NELL1: variants seen among roughly 807,000 people sequenced by gnomAD.
NELL1 encodes the protein neural EGFL like 1, also known as protein kinase C-binding protein NELL1.
In NELL1, 76 loss-of-function variants were observed where a neutral mutation model predicts 107.4. That is an observed-to-expected ratio of 0.71 (90% CI 0.59 to 0.86). The LOEUF (loss-of-function observed/expected upper bound fraction) is 0.86, where lower values mean the gene tolerates loss of function less well. Ranked by LOEUF, NELL1 falls within the 40% of genes least tolerant of loss-of-function variation. The pLI is 0.00. For missense variants in NELL1, 1,024 were observed against 1,005.5 expected (o/e 1.02, Z -0.25); for synonymous variants, 353 against 341.2 (o/e 1.03, Z -0.38).
intron 14 of NELL1, among the ~76,000 whole-genome samples, chr11:21,288,059 A>AAAGAAGGGAAGG (rs1310905199): frequency 4.6e-5 from 7 of 151,446 alleles, no homozygotes; most frequent in Non-Finnish European, 7.4e-5. Flanking sequence ...GGAAGGAAGG[A>AAAGAAGGGAAGG]AAGAAGGAAA....
At chr11:20,939,251 CAGTTTCTGTTTTCCCA>C (rs1850796108) in intron 10 of NELL1, among the ~76,000 whole-genome samples, 1 of 151,800 alleles carries the variant, frequency 6.6e-6, no homozygotes, top group African/African-American at 2.4e-5. Context: ...CAGGGAATAC[CAGTTTCTGTTTTCCCA>C]AGTAGCCAAA....
chr11:20,940,885 C>T (rs1850838833), intron 10 of NELL1, among the ~76,000 whole-genome samples: 1 of 152,050 alleles, frequency 6.6e-6, no homozygotes, highest in African/African-American at 2.4e-5. Flanking sequence ...TGCCTGTAAT[C>T]CCAGCACTTT....
intron 15 of NELL1, among the ~76,000 whole-genome samples, chr11:21,505,530 C>T (rs76767874): frequency 0.086 from 13,065 of 152,180 alleles, 835 homozygotes; most frequent in East Asian, 0.29. Context: ...CCTCCATAAG[C>T]CCTGTGCTAC....
intron 13 of NELL1, among the ~76,000 whole-genome samples, chr11:21,200,161 A>C (rs1274714252): frequency 6.6e-6 from 1 of 152,204 alleles, no homozygotes; most frequent in Non-Finnish European, 1.5e-5. Flanking sequence ...GTATATACCC[A>C]GTAATGGGAT....
intron 15 of NELL1, among the ~76,000 whole-genome samples, chr11:21,419,133 C>T (rs1417313870): frequency 6.6e-6 from 1 of 152,088 alleles, no homozygotes; most frequent in Non-Finnish European, 1.5e-5. Flanking sequence ...GTTACTTACA[C>T]TGCTCTGTAA....
chr11:21,508,876 A>T (rs998954866), intron 15 of NELL1, among the ~76,000 whole-genome samples: 8 of 152,146 alleles, frequency 5.3e-5, no homozygotes, highest in African/African-American at 1.9e-4. Flanking sequence ...GGCTTAATCT[A>T]TAACTGTTTT....
chr11:21,325,066 G>A (rs1447717482), intron 14 of NELL1, among the ~76,000 whole-genome samples: 7 of 151,856 alleles, frequency 4.6e-5, no homozygotes, highest in African/African-American at 1.7e-4. Context: ...GTCTTAAATA[G>A]GGGTTTCCTT....
chr11:20,768,374 T>C (rs1442245196), intron 2 of NELL1, among the ~76,000 whole-genome samples: 1 of 152,158 alleles, frequency 6.6e-6, no homozygotes, highest in Non-Finnish European at 1.5e-5. Flanking sequence ...GGATGGCCCA[T>C]GTGGGTGAAG....
At chr11:20,705,876 A>G (rs891361822) in intron 2 of NELL1, among the ~76,000 whole-genome samples, 2 of 152,072 alleles carry the variant, frequency 1.3e-5, no homozygotes, top group Non-Finnish European at 2.9e-5. Context: ...GACACTTCTC[A>G]TAAGAAGACA....
intron 3 of NELL1, among the ~76,000 whole-genome samples, chr11:20,791,621 G>A (rs912455134): frequency 6.6e-6 from 1 of 152,070 alleles, no homozygotes; most frequent in Admixed American, 6.5e-5. Context: ...TAGAAATGGT[G>A]AGCAGATATC....
intron 14 of NELL1, among the ~76,000 whole-genome samples, chr11:21,281,830 C>T (rs991526182): frequency 2.0e-5 from 3 of 152,170 alleles, no homozygotes; most frequent in African/African-American, 7.2e-5. Flanking sequence ...TATCTCTCGT[C>T]ATATACAAAA....
chr11:21,071,441 T>C (rs1438313300), intron 12 of NELL1, among the ~76,000 whole-genome samples: 2 of 152,212 alleles, frequency 1.3e-5, no homozygotes, highest in Non-Finnish European at 2.9e-5. Flanking sequence ...GTAGTTGTTG[T>C]ATCATTATCA....
At chr11:21,333,387 G>C (rs576123789) in intron 14 of NELL1, among the ~76,000 whole-genome samples, 49 of 152,034 alleles carry the variant, frequency 3.2e-4, no homozygotes, top group African/African-American at 1.2e-3. Context: ...CATCACTACG[G>C]CCACCATCAT....
At chr11:20,944,065 C>A (rs1290816967) in intron 10 of NELL1, among the ~76,000 whole-genome samples, 1 of 152,118 alleles carries the variant, frequency 6.6e-6, no homozygotes, top group Non-Finnish European at 1.5e-5. Context: ...AGCACTAATG[C>A]CCTATGGAAT....
rs35537964 is a variant in NELL1, at chr11:21,086,828, C to CTTTT, written c.1301-26743_1301-26740dup. Among the ~76,000 whole-genome samples the CTTTT allele has an allele frequency of 8.1e-3, 917 of 112,928 alleles. 31 individuals are homozygous for CTTTT. Among genetic ancestry groups the CTTTT allele is most frequent in the African/African-American group, 0.029 (853 of 29,208 alleles). The allele number at this position is 112,928 out of a possible 152,430, so 74.1% of individuals were successfully genotyped here. On this transcript the variant is annotated intron_variant, in intron 12 of 19. Coordinates refer to ENST00000357134, the MANE Select transcript of NELL1 (RefSeq NM_006157.5). ...AGTAGACTGTTGAGTCTTAATGGAT[C>CTTTT]TTTTTTTTTTTTTTTTTTTTTGAGA...
chr11:21,005,948 G>A (rs1475682684), intron 12 of NELL1, among the ~76,000 whole-genome samples: 1 of 151,922 alleles, frequency 6.6e-6, no homozygotes, highest in Non-Finnish European at 1.5e-5. Flanking sequence ...ACCTGTGTCA[G>A]TTATTAGTGG....
intron 12 of NELL1, among the ~76,000 whole-genome samples, chr11:21,010,860 A>G (rs1305492160): frequency 6.6e-6 from 1 of 152,134 alleles, no homozygotes; most frequent in African/African-American, 2.4e-5. Context: ...GTCACCTTGT[A>G]AAGTACTGTT....
chr11:20,933,859 T>A (rs1850667430), intron 9 of NELL1, among the ~76,000 whole-genome samples: 1 of 152,214 alleles, frequency 6.6e-6, no homozygotes, highest in Admixed American at 6.5e-5. Flanking sequence ...TACAGCTGCA[T>A]AACTCTTTAT....
intron 12 of NELL1, among the ~76,000 whole-genome samples, chr11:21,010,845 G>C (rs1359865392): frequency 2.0e-5 from 3 of 152,084 alleles, no homozygotes; most frequent in Non-Finnish European, 2.9e-5. Flanking sequence ...CCAGTCTTGA[G>C]CTGTGTCACC....
Sources: allele counts gnomAD v4.1 joint callset (sites outside exome capture counted in the v4.1 genomes callset), GRCh38; gene constraint gnomAD v4.1.1; transcripts MANE v1.5; gene names NCBI Gene and HGNC (gene_info 2026-07-23, HGNC 2026-07-21).